The following TFPI variants were observed in gnomAD, a reference collection of about 807,000 sequenced individuals.
The protein encoded by TFPI is tissue factor pathway inhibitor, also known as anti-convertin.
TFPI carries 15 observed loss-of-function variants against 34.6 expected under a neutral mutation model. The observed-to-expected ratio is 0.43, with a 90% CI of 0.29 to 0.67. The LOEUF (loss-of-function observed/expected upper bound fraction) is 0.67, where lower values mean the gene tolerates loss of function less well. TFPI is among the 30% of genes least tolerant of loss of function. The pLI, the probability that TFPI is intolerant of heterozygous loss-of-function variation, is 0.15. For synonymous variants in TFPI, 105 were observed against 120.1 expected (o/e 0.87, Z 0.82); for missense variants, 301 against 364.0 (o/e 0.83, Z 1.41).
chr2:187,497,129 A>G, intron 2 of TFPI, 51 bp from the exon 3 acceptor site: 1 of 1,477,432 alleles, frequency 6.8e-7, no homozygotes, highest in Non-Finnish European at 9.2e-7. Flanking sequence ...CAACACTGTA[A>G]TAATGTTCTT....
At chr2:187,503,563 C>G in intron 2 of TFPI, 85 bp downstream of exon 2, 1 of 1,501,088 alleles carries the variant, frequency 6.7e-7, no homozygotes, top group East Asian at 2.3e-5. Flanking sequence ...AATTTCCCTC[C>G]ACAATGGAAA....
intron 2 of TFPI, among the ~76,000 whole-genome samples, chr2:187,497,471 A>G (rs560074631): frequency 1.3e-5 from 2 of 152,150 alleles, no homozygotes; most frequent in Non-Finnish European, 2.9e-5. Flanking sequence ...TTTAAAAGCA[A>G]CAGCATATTC....
chr2:187,519,102 C>G (rs893086789), intron 1 of TFPI: 2 of 152,098 alleles, frequency 1.3e-5, no homozygotes, highest in Non-Finnish European at 2.9e-5. Context: ...GCTCCCTTAG[C>G]TTGGAGGAGT....
At chr2:187,547,793 A>G (rs1688947424) in intron 1 of TFPI, 1 of 152,182 alleles carries the variant, frequency 6.6e-6, no homozygotes, top group African/African-American at 2.4e-5. Flanking sequence ...ACATTTTTAT[A>G]AAGACAAGTT....
At chr2:187,492,016 T>G (rs1376049671) in intron 3 of TFPI, among the ~76,000 whole-genome samples, 1 of 152,174 alleles carries the variant, frequency 6.6e-6, no homozygotes, top group Non-Finnish European at 1.5e-5. Flanking sequence ...AAAATACCTT[T>G]TCATGTCCTT....
Position 187,496,885 on chromosome 2 carries a change from T to C in TFPI, c.315A>G (p.Thr105=). 6.2e-7 allele frequency: 1 copy of C among 1,612,932 alleles called. No homozygotes were observed. The highest frequency in any genetic ancestry group is 8.5e-7 in the Non-Finnish European group (1 of 1,179,236). Residue 105 remains threonine (T), a synonymous_variant, in exon 3 of 8, where the codon ACA becomes ACG. Coordinates refer to ENST00000233156, the MANE Select transcript of TFPI (RefSeq NM_006287.6). Reference sequence around the variant, plus strand: ...TAAGGGTTCCCAGAAACCTACCTCTTGTACACATTTTTTTGCACTCTTCCA... The same window carrying C: ...TAAGGGTTCCCAGAAACCTACCTCTCGTACACATTTTTTTGCACTCTTCCA... ...ESLEECKKMC[T]RDNANRIIKT...
chr2:187,509,763 T>C (rs1686491823), intron 1 of TFPI, among the ~76,000 whole-genome samples: 1 of 152,172 alleles, frequency 6.6e-6, no homozygotes, highest in Non-Finnish European at 1.5e-5. Flanking sequence ...TACTCATTGA[T>C]TTTTGAAAGG....
At chr2:187,489,347 G>GTAC (rs964921895) in intron 3 of TFPI, among the ~76,000 whole-genome samples, 1 of 150,758 alleles carries the variant, frequency 6.6e-6, no homozygotes, top group African/African-American at 2.4e-5. Context: ...TTTTCTAATT[G>GTAC]TACTATGTTT....
intron 4 of TFPI, among the ~76,000 whole-genome samples, chr2:187,485,505 C>T (rs1167228632): frequency 6.6e-6 from 1 of 151,590 alleles, no homozygotes; most frequent in African/African-American, 2.4e-5. Flanking sequence ...TTCCTGAATT[C>T]TTATGCGGGA....
intron 3 of TFPI, 52 bp from the exon 4 acceptor site, chr2:187,488,427 A>G (rs756098148): frequency 8.3e-6 from 10 of 1,207,848 alleles, no homozygotes; most frequent in South Asian, 7.2e-5. Context: ...ATAAAGTAAT[A>G]CTATGAATTT....
chr2:187,526,797 C>G (rs2106236946), intron 1 of TFPI: 1 of 151,848 alleles, frequency 6.6e-6, no homozygotes, highest in African/African-American at 2.4e-5. Context: ...TTTGCCATGT[C>G]TAAAAGAAGG....
intron 1 of TFPI, among the ~76,000 whole-genome samples, chr2:187,511,818 CAGAG>C (rs546014387): frequency 1.3e-5 from 2 of 149,578 alleles, no homozygotes; most frequent in Non-Finnish European, 3.0e-5. Flanking sequence ...GAAAGACCAG[CAGAG>C]AGAGAGAGAT....
At chr2:187,532,908 CAT>C (rs977132110) in intron 1 of TFPI, among the ~76,000 whole-genome samples, 3 of 152,146 alleles carry the variant, frequency 2.0e-5, no homozygotes, top group Non-Finnish European at 4.4e-5. Context: ...GGGCATCCGC[CAT>C]TACAGAGGCT....
intron 1 of TFPI, chr2:187,513,700 C>G (rs891923056): frequency 3.3e-5 from 5 of 152,618 alleles, no homozygotes; most frequent in African/African-American, 1.2e-4. Flanking sequence ...AGCACCACCC[C>G]CTCCAGAGTC....
At chr2:187,497,122 C>T (rs768786106) in intron 2 of TFPI, 44 bp from the exon 3 acceptor site, 4 of 1,516,708 alleles carry the variant, frequency 2.6e-6, no homozygotes, top group East Asian at 2.4e-5. Context: ...TCTCCATCAA[C>T]ACTGTAATAA....
At chr2:187,536,091 A>G (rs560720652) in intron 1 of TFPI, among the ~76,000 whole-genome samples, 65 of 152,354 alleles carry the variant, frequency 4.3e-4, no homozygotes, top group African/African-American at 1.5e-3. Flanking sequence ...GCAGTAATCA[A>G]TAGAATACCA....
chr2:187,473,895 C>T (rs1247271065), intron 6 of TFPI, among the ~76,000 whole-genome samples: 3 of 151,510 alleles, frequency 2.0e-5, no homozygotes, highest in African/African-American at 7.3e-5. Context: ...ATTGAAAGGT[C>T]ATAAAGAATA....
chr2:187,503,826 TA>T (rs1686015893), intron 1 of TFPI, 56 bp from the exon 2 acceptor site: 2 of 1,584,684 alleles, frequency 1.3e-6, no homozygotes, highest in East Asian at 4.5e-5. Context: ...TGCACTCATT[TA>T]CAGACTAGTA....
intron 1 of TFPI, among the ~76,000 whole-genome samples, chr2:187,541,395 A>G (rs1384697490): frequency 2.6e-5 from 4 of 152,198 alleles, no homozygotes; most frequent in African/African-American, 7.2e-5. Context: ...AAAGGAGTCA[A>G]TTGATGGTTC....
Sources: allele counts gnomAD v4.1 joint callset (sites outside exome capture counted in the v4.1 genomes callset), GRCh38; gene constraint gnomAD v4.1.1; transcripts MANE v1.5; gene names NCBI Gene and HGNC (gene_info 2026-07-23, HGNC 2026-07-21).